AR: variants seen among roughly 807,000 people sequenced by gnomAD.
The protein encoded by AR is androgen receptor.
A neutral mutation model predicts 53.9 loss-of-function variants in AR; 8 were observed. The observed-to-expected ratio is 0.15, with a 90% CI of 0.09 to 0.27. The LOEUF is 0.27. Ranked by LOEUF, AR falls within the 10% of genes least tolerant of loss-of-function variation. The pLI, the probability that AR is intolerant of heterozygous loss-of-function variation, is 1.00. For synonymous variants in AR, 359 were observed against 316.4 expected (o/e 1.13, Z -1.43); for missense variants, 639 against 742.5 (o/e 0.86, Z 1.62).
chrX:67,638,388 G>A (rs1925562121), intron 1 of AR, among the ~76,000 whole-genome samples: 1 of 111,616 alleles, frequency 9.0e-6, no homozygotes, highest in South Asian at 3.8e-4. Flanking sequence ...AGATCCTTGA[G>A]GAATTGCCAC....
At chrX:67,617,442 T>C (rs2147392775) in intron 1 of AR, among the ~76,000 whole-genome samples, 1 of 111,807 alleles carries the variant, frequency 8.9e-6, no homozygotes, top group South Asian at 3.8e-4. Flanking sequence ...AGGATGATAA[T>C]GAATGTGAAG....
At chrX:67,601,571 G>A (rs1923357767) in intron 1 of AR, among the ~76,000 whole-genome samples, 1 of 111,576 alleles carries the variant, frequency 9.0e-6, no homozygotes, top group Admixed American at 9.5e-5. Flanking sequence ...TTAGAAAGAG[G>A]CATTTTGAGC....
At chrX:67,589,996 C>T (rs1475234111) in intron 1 of AR, among the ~76,000 whole-genome samples, 1 of 111,862 alleles carries the variant, frequency 8.9e-6, no homozygotes, top group Non-Finnish European at 1.9e-5. Context: ...TTTCTTTTGC[C>T]TCCCCTTACA....
At chrX:67,632,549 C>T (rs937961473) in intron 1 of AR, among the ~76,000 whole-genome samples, 3 of 112,252 alleles carry the variant, frequency 2.7e-5, no homozygotes, top group African/African-American at 6.5e-5. Flanking sequence ...CTGGCACTCC[C>T]TAGTGAGATG....
chrX:67,696,687 G>A (rs771714557), intron 3 of AR, among the ~76,000 whole-genome samples: 3 of 111,274 alleles, frequency 2.7e-5, no homozygotes, highest in African/African-American at 6.5e-5. Context: ...AATTTGGCAT[G>A]CACTTATTAA....
intron 4 of AR, among the ~76,000 whole-genome samples, chrX:67,712,355 T>G (rs1278953520): frequency 1.8e-5 from 2 of 112,434 alleles, no homozygotes; most frequent in African/African-American, 6.5e-5. Context: ...GAGGAAAGAT[T>G]AGGTAATAGT....
chrX:67,627,458 G>A (rs1246880883), intron 1 of AR, among the ~76,000 whole-genome samples: 24 of 111,656 alleles, frequency 2.1e-4, no homozygotes, highest in Admixed American at 1.5e-3. Context: ...CATATCCTTC[G>A]CCCACTTTTT....
intron 1 of AR, among the ~76,000 whole-genome samples, chrX:67,559,403 G>A (rs1216297723): frequency 8.9e-6 from 1 of 111,898 alleles, no homozygotes; most frequent in African/African-American, 3.2e-5. Context: ...GGAACAAAAT[G>A]TTAGGAAAAA....
intron 1 of AR, among the ~76,000 whole-genome samples, chrX:67,576,782 G>A (rs1485035983): frequency 9.0e-6 from 1 of 110,636 alleles, no homozygotes; most frequent in Non-Finnish European, 1.9e-5. Context: ...TGGTGGATAT[G>A]GTGGAATACC....
chrX:67,647,469 A>G (rs1361484755), intron 2 of AR, among the ~76,000 whole-genome samples: 1 of 111,802 alleles, frequency 8.9e-6, no homozygotes, highest in Non-Finnish European at 1.9e-5. Context: ...GGAGTCTAGC[A>G]GAGAGTTTTT....
intron 2 of AR, among the ~76,000 whole-genome samples, chrX:67,681,653 G>T (rs986639227): frequency 8.0e-5 from 9 of 112,175 alleles, no homozygotes; most frequent in Non-Finnish European, 1.7e-4. Context: ...CAATGGGTTA[G>T]AGCTAAAAGG....
chrX:67,661,128 T>C (rs2147461908), intron 2 of AR, among the ~76,000 whole-genome samples: 1 of 111,268 alleles, frequency 9.0e-6, no homozygotes, highest in African/African-American at 3.3e-5. Context: ...GACGATGGGG[T>C]TTTCTAGGTA....
chrX:67,559,923 T>A (rs1921221772), intron 1 of AR, among the ~76,000 whole-genome samples: 1 of 112,068 alleles, frequency 8.9e-6, no homozygotes, highest in Non-Finnish European at 1.9e-5. Context: ...GTGTAGTCTG[T>A]TTGCAATTGT....
At chrX:67,641,843 G>A (rs959124754) in intron 1 of AR, among the ~76,000 whole-genome samples, 4 of 98,224 alleles carry the variant, frequency 4.1e-5, no homozygotes, top group Admixed American at 1.3e-4. Context: ...GGGGTTGAGG[G>A]GAGGATAACC....
chrX:67,610,162 C>T (rs911344464), intron 1 of AR, among the ~76,000 whole-genome samples: 1 of 111,159 alleles, frequency 9.0e-6, no homozygotes, highest in Non-Finnish European at 1.9e-5. Context: ...AGCTGTCCTA[C>T]GAGTGTCCAG....
intron 2 of AR, among the ~76,000 whole-genome samples, chrX:67,663,586 T>A (rs1927078595): frequency 8.9e-6 from 1 of 111,979 alleles, no homozygotes; most frequent in African/African-American, 3.2e-5. Context: ...CTTTGGTGAA[T>A]CTGACAATTA....
At chrX:67,703,692 A>C (rs996376822) in intron 3 of AR, among the ~76,000 whole-genome samples, 1 of 111,824 alleles carries the variant, frequency 8.9e-6, no homozygotes, top group African/African-American at 3.3e-5. Context: ...CGTGTGCACA[A>C]CTTGCAGGTT....
At chrX:67,711,060 G>A (rs1476881101) in intron 3 of AR, among the ~76,000 whole-genome samples, 1 of 112,027 alleles carries the variant, frequency 8.9e-6, no homozygotes, top group South Asian at 3.7e-4. Flanking sequence ...GAACGAAAAT[G>A]AATCATTAAT....
At chrX:67,721,348 C>T (rs774271289) in intron 5 of AR, among the ~76,000 whole-genome samples, 67 of 112,162 alleles carry the variant, frequency 6.0e-4, no homozygotes, top group African/African-American at 1.9e-3. Context: ...CCAAACACTT[C>T]GGGTCATTTG....
Sources: gnomAD v4.1 joint callset for allele counts (sites outside exome capture counted in the v4.1 genomes callset) on GRCh38, gnomAD v4.1.1 for gene constraint, MANE v1.5 for transcripts, NCBI Gene and HGNC (gene_info 2026-07-23, HGNC 2026-07-21) for gene names.